Variants in KLF12 observed in about 807,000 individuals in gnomAD.
The protein encoded by KLF12 is KLF transcription factor 12.
Under a neutral mutation model 37.8 loss-of-function variants are expected in KLF12, and 9 were observed. The observed-to-expected ratio is 0.24, with a 90% confidence interval of 0.14 to 0.42. The LOEUF (loss-of-function observed/expected upper bound fraction) is 0.42. Ranked by LOEUF, KLF12 falls within the 10% of genes least tolerant of loss-of-function variation. The pLI is 1.00. For missense variants in KLF12, 411 were observed against 516.0 expected (o/e 0.80, Z 1.97); for synonymous variants, 208 against 202.1 (o/e 1.03, Z -0.25).
chr13:73,982,236 G>T (rs1891705691), intron 2 of KLF12, among the ~76,000 whole-genome samples: 1 of 152,144 alleles, frequency 6.6e-6, no homozygotes, highest in Non-Finnish European at 1.5e-5. Context: ...TTTAAGGCAT[G>T]AATAGAAACT....
intron 6 of KLF12, 40 bp downstream of exon 6, chr13:73,764,898 C>G (rs371429729): frequency 8.5e-7 from 1 of 1,182,080 alleles, no homozygotes; most frequent in South Asian, 1.3e-5. Flanking sequence ...TAAAGTTTCC[C>G]GTAAGACCTA....
the KLF12 span, among the ~76,000 whole-genome samples, chr13:74,205,803 T>C: frequency 6.6e-6 from 1 of 152,046 alleles, no homozygotes; most frequent in Non-Finnish European, 1.5e-5. Flanking sequence ...TACAACAAAG[T>C]TGAAGGCTCA....
At chr13:74,091,591 T>C (rs1875661984) in intron 1 of KLF12, among the ~76,000 whole-genome samples, 2 of 152,200 alleles carry the variant, frequency 1.3e-5, no homozygotes, top group African/African-American at 4.8e-5. Context: ...GAAGAACATC[T>C]TGGTTGTTTC....
intron 1 of KLF12, among the ~76,000 whole-genome samples, chr13:74,057,195 T>A (rs1873292942): frequency 6.6e-6 from 1 of 152,166 alleles, no homozygotes; most frequent in African/African-American, 2.4e-5. Context: ...ATTATCTTCA[T>A]AAAGTTTACC....
At chr13:74,059,631 G>GT (rs937830244) in intron 1 of KLF12, among the ~76,000 whole-genome samples, 2 of 151,826 alleles carry the variant, frequency 1.3e-5, no homozygotes, top group Non-Finnish European at 2.9e-5. Flanking sequence ...TTTTAATGGA[G>GT]TTTTTTTTCT....
the KLF12 span, among the ~76,000 whole-genome samples, chr13:74,171,597 A>T: frequency 1.3e-5 from 2 of 152,208 alleles, no homozygotes; most frequent in African/African-American, 4.8e-5. Context: ...TGGAAAGATG[A>T]TATAAAAAGT....
intron 2 of KLF12, among the ~76,000 whole-genome samples, chr13:73,955,032 G>A (rs1321514857): frequency 1.3e-5 from 2 of 152,166 alleles, no homozygotes; most frequent in Non-Finnish European, 1.5e-5. Context: ...AAGTCCAGGT[G>A]TATGAGACTT....
chr13:74,026,376 C>T (rs1892976794), intron 1 of KLF12, among the ~76,000 whole-genome samples: 1 of 151,990 alleles, frequency 6.6e-6, no homozygotes, highest in Non-Finnish European at 1.5e-5. Context: ...TAAAGCCTAA[C>T]TTATATAGTG....
chr13:73,916,215 A>ACC (rs1348591128), intron 3 of KLF12, among the ~76,000 whole-genome samples: 4 of 68,012 alleles, frequency 5.9e-5, no homozygotes, highest in Non-Finnish European at 9.4e-5. Flanking sequence ...ACTTACACAC[A>ACC]CACACACACA....
intron 1 of KLF12, among the ~76,000 whole-genome samples, chr13:73,996,814 C>T (rs1386232418): frequency 6.6e-6 from 1 of 152,138 alleles, no homozygotes; most frequent in Non-Finnish European, 1.5e-5. Context: ...AAACTACAAC[C>T]ACCACTCCCC....
intron 4 of KLF12, among the ~76,000 whole-genome samples, chr13:73,817,815 A>G (rs1274927890): frequency 6.6e-6 from 1 of 152,248 alleles, no homozygotes; most frequent in Non-Finnish European, 1.5e-5. Flanking sequence ...TAATCTGCAT[A>G]TGCCGTAGGG....
At chr13:73,843,791 AC>A (rs1884875706) in intron 4 of KLF12, among the ~76,000 whole-genome samples, 1 of 152,192 alleles carries the variant, frequency 6.6e-6, no homozygotes, top group Non-Finnish European at 1.5e-5. Context: ...ATTCCTAATG[AC>A]CATAGCACAA....
At chr13:74,285,563 A>G in the KLF12 span, among the ~76,000 whole-genome samples, 2 of 152,208 alleles carry the variant, frequency 1.3e-5, no homozygotes, top group East Asian at 3.8e-4. Flanking sequence ...AGGAGAAAGA[A>G]TAGAAAACAT....
intron 1 of KLF12, among the ~76,000 whole-genome samples, chr13:74,122,375 A>G (rs1360649258): frequency 3.9e-5 from 6 of 152,118 alleles, no homozygotes; most frequent in African/African-American, 1.4e-4. Flanking sequence ...ACAGTAAGAT[A>G]TTACCACACA....
chr13:74,027,417 C>CG (rs1482124464), intron 1 of KLF12, among the ~76,000 whole-genome samples: 3 of 151,946 alleles, frequency 2.0e-5, no homozygotes, highest in Admixed American at 2.0e-4. Context: ...GTCTTGGGAG[C>CG]GGGGGGAGAG....
the KLF12 span, among the ~76,000 whole-genome samples, chr13:74,204,783 AG>A: frequency 6.6e-6 from 1 of 152,088 alleles, no homozygotes; most frequent in Non-Finnish European, 1.5e-5. Context: ...CAGGAATTCG[AG>A]GTTGGTGGAT....
the KLF12 span, among the ~76,000 whole-genome samples, chr13:74,152,761 G>GTAGTCCCAGCTA: frequency 6.6e-6 from 1 of 151,924 alleles, no homozygotes; most frequent in Non-Finnish European, 1.5e-5. Flanking sequence ...GTGCACGTCA[G>GTAGTCCCAGCTA]TAGTCCCAGC....
chr13:73,762,802 A>G (rs918979856), intron 6 of KLF12, among the ~76,000 whole-genome samples: 1 of 152,306 alleles, frequency 6.6e-6, no homozygotes, highest in Admixed American at 6.5e-5. Context: ...ACAAGTGTTT[A>G]TCACTTTACT....
chr13:73,953,385 T>G (rs1281551392), intron 2 of KLF12, among the ~76,000 whole-genome samples: 1 of 152,214 alleles, frequency 6.6e-6, no homozygotes, highest in African/African-American at 2.4e-5. Context: ...TACTACCATT[T>G]TATTCTACAA....
Sources: allele counts gnomAD v4.1 joint callset (sites outside exome capture counted in the v4.1 genomes callset), GRCh38; gene constraint gnomAD v4.1.1; transcripts MANE v1.5; gene names NCBI Gene and HGNC (gene_info 2026-07-23, HGNC 2026-07-21).